Variants in PTPRD observed in about 807,000 individuals in gnomAD.
The protein encoded by PTPRD is protein tyrosine phosphatase receptor type D.
A neutral mutation model predicts 214.5 loss-of-function variants in PTPRD; 34 were observed. That is an observed-to-expected ratio of 0.16 (90% CI 0.12 to 0.21). The LOEUF is 0.21. PTPRD is among the 10% of genes least tolerant of loss of function. The pLI is 1.00. For missense variants in PTPRD, 2,545 were observed against 2,398.7 expected, an observed-to-expected ratio of 1.06 and a Z score of -1.27; for synonymous variants, 1,128 against 845.7, an observed-to-expected ratio of 1.33 and a Z score of -5.79.
intron 10 of PTPRD, among the ~76,000 whole-genome samples, chr9:9,031,453 C>T (rs954745718): frequency 4.6e-5 from 7 of 151,888 alleles, no homozygotes; most frequent in East Asian, 3.9e-4. Context: ...GTGTACAGCA[C>T]GTTACTGTAT....
At chr9:9,063,876 C>A (rs925893051) in intron 10 of PTPRD, among the ~76,000 whole-genome samples, 22 of 152,092 alleles carry the variant, frequency 1.4e-4, no homozygotes, top group African/African-American at 5.3e-4. Context: ...ACATAGCTTA[C>A]GTATGATAAT....
chr9:9,158,181 A>C (rs1379274643), intron 10 of PTPRD, among the ~76,000 whole-genome samples: 1 of 152,160 alleles, frequency 6.6e-6, no homozygotes, highest in Non-Finnish European at 1.5e-5. Flanking sequence ...GTGAACATAC[A>C]TGTATCTTTA....
intron 11 of PTPRD, among the ~76,000 whole-genome samples, chr9:9,001,688 T>C (rs910406669): frequency 3.9e-5 from 6 of 152,042 alleles, no homozygotes; most frequent in African/African-American, 1.4e-4. Flanking sequence ...GCTACATTGC[T>C]GCTCTAGGAA....
intron 39 of PTPRD, among the ~76,000 whole-genome samples, chr9:8,350,267 G>T (rs2075084503): frequency 1.3e-5 from 2 of 152,130 alleles, no homozygotes; most frequent in South Asian, 4.1e-4. Flanking sequence ...GAGTTTTAAT[G>T]CTGACCCTTT....
chr9:8,323,090 C>G (rs1830067660), intron 44 of PTPRD, among the ~76,000 whole-genome samples: 1 of 152,148 alleles, frequency 6.6e-6, no homozygotes, highest in South Asian at 2.1e-4. Flanking sequence ...TAGCCCAGTT[C>G]TATAAATGGA....
At chr9:9,755,397 T>C (rs2098558135) in intron 6 of PTPRD, among the ~76,000 whole-genome samples, 1 of 152,084 alleles carries the variant, frequency 6.6e-6, no homozygotes, top group South Asian at 2.1e-4. Flanking sequence ...TTCAGTTTGT[T>C]GTCTGTTACC....
intron 14 of PTPRD, among the ~76,000 whole-genome samples, chr9:8,569,583 T>A (rs2090491681): frequency 6.6e-6 from 1 of 152,064 alleles, no homozygotes; most frequent in African/African-American, 2.4e-5. Context: ...TGGTAGTGAT[T>A]TATTTTCAAA....
chr9:10,206,945 G>A (rs1026734043), intron 3 of PTPRD, among the ~76,000 whole-genome samples: 1 of 152,070 alleles, frequency 6.6e-6, no homozygotes, highest in Non-Finnish European at 1.5e-5. Flanking sequence ...TTTGCATATT[G>A]TTCAGTTATG....
intron 5 of PTPRD, among the ~76,000 whole-genome samples, chr9:9,863,418 G>C (rs964307658): frequency 6.6e-6 from 1 of 152,104 alleles, no homozygotes; most frequent in Non-Finnish European, 1.5e-5. Flanking sequence ...GCATGTTTGG[G>C]GGCAAGGAGG....
intron 9 of PTPRD, among the ~76,000 whole-genome samples, chr9:9,190,895 G>C (rs1042239611): frequency 1.3e-5 from 2 of 152,032 alleles, no homozygotes; most frequent in Admixed American, 6.6e-5. Flanking sequence ...GGGACTGTTG[G>C]AGAGAGTGAG....
intron 14 of PTPRD, among the ~76,000 whole-genome samples, chr9:8,598,173 C>G (rs1241174127): frequency 1.3e-5 from 2 of 152,126 alleles, no homozygotes; most frequent in Non-Finnish European, 2.9e-5. Flanking sequence ...AAATTTTCTA[C>G]AATGAGATTA....
intron 4 of PTPRD, among the ~76,000 whole-genome samples, chr9:9,990,824 A>G (rs547373249): frequency 6.6e-6 from 1 of 152,312 alleles, no homozygotes; most frequent in East Asian, 1.9e-4. Context: ...TGCTCACCAC[A>G]TTAGATACTG....
chr9:9,946,581 T>C (rs1209230925), intron 4 of PTPRD, among the ~76,000 whole-genome samples: 1 of 152,106 alleles, frequency 6.6e-6, no homozygotes, highest in Non-Finnish European at 1.5e-5. Flanking sequence ...GCACACTCTT[T>C]TTGCAAAGGG....
chr9:10,575,498 TTAAC>T (rs1016533435), intron 2 of PTPRD, among the ~76,000 whole-genome samples: 2 of 152,092 alleles, frequency 1.3e-5, no homozygotes, highest in Non-Finnish European at 2.9e-5. Flanking sequence ...GATCTAGAAA[TTAAC>T]TGTGCACATT....
At position 9,269,423 on chromosome 9, in the gene PTPRD, GC is replaced by G. The variant is rs535598801; in HGVS notation, c.-202-86061del. ...GTTGGTAGGAATGTAAAGTTGTACA[GC>G]CACTATGAAAACAATATGGAGGTTC... On this transcript the variant is annotated intron_variant, in intron 9 of 45. Coordinates refer to ENST00000381196, the MANE Select transcript of PTPRD (RefSeq NM_002839.4). Among the ~76,000 whole-genome samples the G allele has an allele frequency of 1.8e-3, 269 of 150,026 alleles. 1 individual carries two copies. Among genetic ancestry groups the G allele is most frequent in the African/African-American group, 6.3e-3 (257 of 41,010 alleles).
At chr9:10,249,905 G>T (rs568892020) in intron 3 of PTPRD, among the ~76,000 whole-genome samples, 1 of 151,936 alleles carries the variant, frequency 6.6e-6, no homozygotes, top group Non-Finnish European at 1.5e-5. Flanking sequence ...AATAAATAAA[G>T]CGCTTAAATA....
rs184201404 is a variant in PTPRD at position 9,620,488 on chromosome 9, T to C, written c.-286-45707A>G. Among the ~76,000 whole-genome samples the C allele has an allele frequency of 3.8e-3, 579 of 152,266 alleles. 3 individuals carry two copies. Among genetic ancestry groups the C allele is most frequent in the African/African-American group, 0.013 (559 of 41,552 alleles). ...ACTGATTCCTTCCAATATTAAACCA[T>C]ACCAAATAAAATATTAAGCCCTTTC... On this transcript the variant is annotated intron_variant, in intron 7 of 45. Coordinates refer to ENST00000381196, the MANE Select transcript of PTPRD (RefSeq NM_002839.4).
chr9:8,679,072 C>T (rs1019730239), intron 12 of PTPRD, among the ~76,000 whole-genome samples: 1 of 152,144 alleles, frequency 6.6e-6, no homozygotes, highest in Non-Finnish European at 1.5e-5. Flanking sequence ...GGATGGAAAC[C>T]GATAAGAAAT....
intron 9 of PTPRD, among the ~76,000 whole-genome samples, chr9:9,367,700 CA>C (rs890042184): frequency 4.6e-5 from 7 of 151,388 alleles, no homozygotes; most frequent in Admixed American, 1.3e-4. Flanking sequence ...CGTGTTCGGA[CA>C]AAAAAATAGC....
Sources: allele counts gnomAD v4.1 joint callset (sites outside exome capture counted in the v4.1 genomes callset), GRCh38; gene constraint gnomAD v4.1.1; transcripts MANE v1.5; gene names NCBI Gene and HGNC (gene_info 2026-07-23, HGNC 2026-07-21).